Variants in ACVR1 observed in about 807,000 individuals in gnomAD.
ACVR1 encodes the protein activin A receptor type 1.
Under a neutral mutation model 57.1 loss-of-function variants are expected in ACVR1, and 38 were observed. The observed-to-expected ratio is 0.67, with a 90% confidence interval of 0.51 to 0.87. The LOEUF (loss-of-function observed/expected upper bound fraction) is 0.87. ACVR1 is among the 40% of genes least tolerant of loss of function. The pLI is 0.00. For missense variants in ACVR1, 463 were observed against 638.2 expected (o/e 0.73, Z 2.96); for synonymous variants, 212 against 228.1 (o/e 0.93, Z 0.63).
At chr2:157,760,247 A>G (rs1439899859) in intron 9 of ACVR1, among the ~76,000 whole-genome samples, 3 of 152,156 alleles carry the variant, frequency 2.0e-5, no homozygotes, top group Non-Finnish European at 4.4e-5. Flanking sequence ...AGTTGATCTC[A>G]TGGTGGTAGA....
At position 157,843,588 on chromosome 2, in the gene ACVR1, C is replaced by A. The variant is rs371835207; in HGVS notation, c.-182-25029G>T. ...GGATGTGACAGAATGAGATTCAAAC[C>A]CACACTTGCCTGACACCATAGGCCA... is the stretch of plus-strand genomic sequence containing the variant. On this transcript the variant is annotated intron_variant, in intron 1 of 10. Transcript: ENST00000434821. 6.7e-4 allele frequency among the ~76,000 whole-genome samples: 102 copies of A among 152,246 alleles called. No individual in the cohort carries two copies. The South Asian group carries it at 0.021, about 31-fold the overall frequency.
At chr2:157,860,626 T>C (rs1339844049) in intron 1 of ACVR1, among the ~76,000 whole-genome samples, 1 of 152,224 alleles carries the variant, frequency 6.6e-6, no homozygotes, top group Non-Finnish European at 1.5e-5. Flanking sequence ...CCTTTTTTGG[T>C]GAAGCACCTT....
chr2:157,852,325 C>T (rs2354934), intron 1 of ACVR1, among the ~76,000 whole-genome samples: 1 of 151,570 alleles, frequency 6.6e-6, no homozygotes, highest in East Asian at 1.9e-4. Flanking sequence ...TGGCAAAACC[C>T]CATCTCTATA....
chr2:157,757,922 G>T (rs112488075), intron 9 of ACVR1, among the ~76,000 whole-genome samples: 2,571 of 150,056 alleles, frequency 0.017, 61 homozygotes, highest in African/African-American at 0.056. Flanking sequence ...AGAAATGAAG[G>T]ATATTCAAAA....
At chr2:157,870,751 G>C in intron 1 of ACVR1, among the ~76,000 whole-genome samples, 1 of 152,134 alleles carries the variant, frequency 6.6e-6, no homozygotes, top group East Asian at 1.9e-4. Context: ...AAGAAAGAAA[G>C]AAACATATGC....
At chr2:157,744,486 G>A (rs1415281646) in intron 9 of ACVR1, among the ~76,000 whole-genome samples, 1 of 152,118 alleles carries the variant, frequency 6.6e-6, no homozygotes, top group Non-Finnish European at 1.5e-5. Context: ...TGTGATACTG[G>A]TTTTCCATTT....
intron 3 of ACVR1, among the ~76,000 whole-genome samples, chr2:157,797,202 A>G (rs1687155749): frequency 6.6e-6 from 1 of 152,244 alleles, no homozygotes; most frequent in Admixed American, 6.5e-5. Flanking sequence ...GAAGTATAAT[A>G]TATGTCATTA....
intron 2 of ACVR1, among the ~76,000 whole-genome samples, chr2:157,805,410 A>G (rs934606346): frequency 2.0e-5 from 3 of 152,308 alleles, no homozygotes; most frequent in Admixed American, 1.3e-4. Context: ...ATTTTGAATG[A>G]CTTTTACATC....
chr2:157,823,668 G>A (rs887260875), intron 1 of ACVR1, among the ~76,000 whole-genome samples: 8 of 151,814 alleles, frequency 5.3e-5, no homozygotes, highest in Non-Finnish European at 5.9e-5. Flanking sequence ...AAAGGGGCCC[G>A]CTATGGTTTA....
In ACVR1 at chr2:157,798,085, C is replaced by T. The variant is rs535387506; in HGVS notation, c.67+1342G>A. On this transcript the variant is annotated intron_variant, in intron 3 of 10. Coordinates refer to ENST00000434821, the MANE Select transcript of ACVR1 (RefSeq NM_001111067.4). Reference sequence around the variant, plus strand: ...TTTCTGGTATTTTTGTTGTAACATCCCAAATAGGCCAAGACATGGCCGTTG... The same window carrying T: ...TTTCTGGTATTTTTGTTGTAACATCTCAAATAGGCCAAGACATGGCCGTTG... Among the ~76,000 whole-genome samples, 18 of 152,206 alleles carry T rather than the reference C, an allele frequency of 1.2e-4. No homozygotes were observed. In the South Asian group the frequency reaches 3.7e-3, roughly 32 times the overall value.
chr2:157,780,567 A>G lies in ACVR1; in HGVS notation c.101T>C (p.Met34Thr), dbSNP rs757848830. ...GCAGGAGAGACCTTCACACACACACATGTAGAGTTTGGGGTTGACCTTGGG... is the reference window on the plus strand; with the variant it reads ...GCAGGAGAGACCTTCACACACACACGTGTAGAGTTTGGGGTTGACCTTGGG... ...EKPKVNPKLY[M>T]CVCEGLSCGN... The change falls in exon 4 of 11, where the codon ATG becomes ACG. Residue 34 changes from methionine (M) to threonine (T), a missense_variant. Physicochemically the swap from Met to Thr is moderately conservative, Grantham distance 81. Coordinates refer to ENST00000434821, the MANE Select transcript of ACVR1 (RefSeq NM_001111067.4). 2 of 1,613,718 alleles carry G rather than the reference A, an allele frequency of 1.2e-6. No individual in the cohort carries two copies. Among genetic ancestry groups the G allele is most frequent in the Admixed American group, 1.7e-5 (1 of 59,956 alleles).
chr2:157,788,135 T>C (rs1686780604), intron 3 of ACVR1, among the ~76,000 whole-genome samples: 1 of 152,136 alleles, frequency 6.6e-6, no homozygotes, highest in African/African-American at 2.4e-5. Flanking sequence ...TTAGTTAAAC[T>C]CCCCTTCCCT....
At chr2:157,856,735 A>AT (rs1024193111) in intron 1 of ACVR1, among the ~76,000 whole-genome samples, 7 of 152,290 alleles carry the variant, frequency 4.6e-5, no homozygotes, top group Admixed American at 4.6e-4. Context: ...ATCAAAAAAT[A>AT]TTTTTTAAAT....
chr2:157,748,144 C>CTAT (rs1185330600), intron 9 of ACVR1, among the ~76,000 whole-genome samples: 5 of 152,136 alleles, frequency 3.3e-5, no homozygotes, highest in Non-Finnish European at 7.4e-5. Flanking sequence ...CAACTGACTA[C>CTAT]TATTAATCAC....
chr2:157,792,135 G>GT (rs74615527), intron 3 of ACVR1, among the ~76,000 whole-genome samples: 122 of 145,988 alleles, frequency 8.4e-4, no homozygotes, highest in Middle Eastern at 3.5e-3. Context: ...ATACTGGCAG[G>GT]TTTTTTTTTT....
chr2:157,875,488 AAC>A (rs58754072), intron 1 of ACVR1: 133,681 of 145,764 alleles, frequency 0.92, 61,615 homozygotes, highest in East Asian at 1. Context: ...AGGAGTTCAC[AAC>A]ACACACACAC....
At chr2:157,803,038 A>G (rs749290571) in intron 2 of ACVR1, among the ~76,000 whole-genome samples, 6 of 152,144 alleles carry the variant, frequency 3.9e-5, no homozygotes, top group Non-Finnish European at 7.4e-5. Context: ...TATCATCTCT[A>G]TAACTTTAAT....
chr2:157,807,302 C>CA (rs1687582639), intron 2 of ACVR1, among the ~76,000 whole-genome samples: 1 of 152,198 alleles, frequency 6.6e-6, no homozygotes, highest in Non-Finnish European at 1.5e-5. Flanking sequence ...AGAATACCTA[C>CA]ACTAAATTTC....
intron 3 of ACVR1, among the ~76,000 whole-genome samples, chr2:157,781,045 T>C (rs931141477): frequency 1.3e-5 from 2 of 152,182 alleles, no homozygotes; most frequent in Non-Finnish European, 2.9e-5. Flanking sequence ...TTAATACTAA[T>C]TTTTGCTAGC....
Sources: gnomAD v4.1 joint callset for allele counts (sites outside exome capture counted in the v4.1 genomes callset) on GRCh38, gnomAD v4.1.1 for gene constraint, MANE v1.5 for transcripts, NCBI Gene and HGNC (gene_info 2026-07-23, HGNC 2026-07-21) for gene names.